The following GMDS variants were observed in gnomAD, a reference collection of about 807,000 sequenced individuals.
The protein encoded by GMDS is GDP-mannose 4,6-dehydratase, also known as GDP-mannose 4,6 dehydratase.
GMDS carries 20 observed loss-of-function variants against 49.9 expected under a neutral mutation model. The observed-to-expected ratio is 0.40, with a 90% CI of 0.28 to 0.58. GMDS has a LOEUF of 0.58. GMDS is among the 20% of genes least tolerant of loss of function. The probability of loss-of-function intolerance (pLI) is 0.42; values close to 1 mark genes in which losing one functional copy is unlikely to be tolerated. For synonymous variants in GMDS, 177 were observed against 178.6 expected, an observed-to-expected ratio of 0.99 and a Z score of 0.07; for missense variants, 362 against 481.4, an observed-to-expected ratio of 0.75 and a Z score of 2.32.
At chr6:2,231,374 C>T (rs937650886) in intron 1 of GMDS, among the ~76,000 whole-genome samples, 7 of 151,912 alleles carry the variant, frequency 4.6e-5, no homozygotes, top group Admixed American at 6.6e-5. Context: ...GATTGGGCAA[C>T]GTGGCAAAAC....
intron 7 of GMDS, among the ~76,000 whole-genome samples, chr6:1,803,288 G>A (rs145582082): frequency 2.0e-5 from 3 of 152,226 alleles, no homozygotes; most frequent in African/African-American, 7.2e-5. Context: ...AACCCTGGCT[G>A]GCTAAAAATA....
rs552394661 is a variant in GMDS, at chr6:2,099,364, G to A, written c.345+16407C>T. 7.4e-4 allele frequency among the ~76,000 whole-genome samples: 113 copies of A among 152,208 alleles called. 1 individual carries two copies. The highest frequency in any genetic ancestry group is 2.6e-3 in the African/African-American group (110 of 41,568). On this transcript the variant is annotated intron_variant, in intron 4 of 10. Transcript: ENST00000380815. ...TATACAGTCAATATAGTTACGGCATGAAATAGGTTTGTTTGTATTTTTCCC... is the reference window on the plus strand; with the variant it reads ...TATACAGTCAATATAGTTACGGCATAAAATAGGTTTGTTTGTATTTTTCCC...
chr6:1,825,558 ATAG>A (rs1218345974), intron 7 of GMDS, among the ~76,000 whole-genome samples: 25 of 152,204 alleles, frequency 1.6e-4, no homozygotes, highest in Admixed American at 1.6e-3. Flanking sequence ...ACAAACCCAC[ATAG>A]TAGAGTCTAC....
chr6:1,895,025 T>C (rs1461575983), intron 7 of GMDS, among the ~76,000 whole-genome samples: 2 of 152,216 alleles, frequency 1.3e-5, no homozygotes, highest in East Asian at 1.9e-4. Flanking sequence ...TTACTTTATA[T>C]TCCTTCCCAT....
intron 8 of GMDS, among the ~76,000 whole-genome samples, chr6:1,729,588 A>C (rs1480000436): frequency 6.6e-6 from 1 of 152,256 alleles, no homozygotes; most frequent in African/African-American, 2.4e-5. Flanking sequence ...AGTTACAACA[A>C]TACATGAAAC....
At chr6:1,916,493 G>A (rs553362761) in intron 7 of GMDS, among the ~76,000 whole-genome samples, 1 of 151,918 alleles carries the variant, frequency 6.6e-6, no homozygotes, top group East Asian at 1.9e-4. Flanking sequence ...AAAGGGAAGA[G>A]GGAAAAAGAG....
At chr6:1,817,186 T>A (rs1321019213) in intron 7 of GMDS, among the ~76,000 whole-genome samples, 1 of 151,830 alleles carries the variant, frequency 6.6e-6, no homozygotes. Context: ...CATGCCTTCC[T>A]GTTCTAATAC....
At chr6:1,969,037 G>A (rs1051685727) in intron 4 of GMDS, among the ~76,000 whole-genome samples, 10 of 151,776 alleles carry the variant, frequency 6.6e-5, no homozygotes, top group African/African-American at 1.2e-4. Flanking sequence ...CGAGGCGGGC[G>A]GATCACGAGG....
At chr6:2,162,591 C>T (rs1159388536) in intron 1 of GMDS, among the ~76,000 whole-genome samples, 1 of 151,686 alleles carries the variant, frequency 6.6e-6, no homozygotes, top group African/African-American at 2.4e-5. Context: ...AACAGTCTTA[C>T]TTATTGCTAG....
chr6:1,629,304 C>T (rs143713537), intron 9 of GMDS, among the ~76,000 whole-genome samples: 74 of 152,274 alleles, frequency 4.9e-4, no homozygotes, highest in Non-Finnish European at 9.0e-4. Flanking sequence ...GAACATTTCC[C>T]CTCTGTTCCC....
intron 7 of GMDS, among the ~76,000 whole-genome samples, chr6:1,862,559 T>C (rs1758240516): frequency 6.6e-6 from 1 of 152,256 alleles, no homozygotes; most frequent in Admixed American, 6.5e-5. Context: ...ATTATAACTG[T>C]TCATAAAAGG....
intron 4 of GMDS, among the ~76,000 whole-genome samples, chr6:2,036,062 C>T (rs148675225): frequency 2.0e-5 from 3 of 152,214 alleles, no homozygotes; most frequent in East Asian, 1.9e-4. Flanking sequence ...CTGTCTCAGC[C>T]GTCATTTATT....
intron 1 of GMDS, among the ~76,000 whole-genome samples, chr6:2,208,650 C>T (rs533356449): frequency 6.6e-6 from 1 of 152,260 alleles, no homozygotes; most frequent in East Asian, 1.9e-4. Flanking sequence ...AGATTTATGG[C>T]AGCCCAAACT....
At chr6:1,889,552 T>C (rs961436976) in intron 7 of GMDS, among the ~76,000 whole-genome samples, 1 of 152,164 alleles carries the variant, frequency 6.6e-6, no homozygotes, top group African/African-American at 2.4e-5. Context: ...GGCACAGACC[T>C]CTCTCCCAAG....
chr6:2,143,164 C>T (rs956661158), intron 1 of GMDS, among the ~76,000 whole-genome samples: 1 of 152,202 alleles, frequency 6.6e-6, no homozygotes, highest in Non-Finnish European at 1.5e-5. Context: ...CCTTGGGTTA[C>T]TAATCTCACA....
intron 6 of GMDS, among the ~76,000 whole-genome samples, chr6:1,947,017 T>C (rs1357228522): frequency 2.0e-5 from 3 of 152,242 alleles, no homozygotes; most frequent in African/African-American, 4.8e-5. Flanking sequence ...AAGAAGTAGA[T>C]AGATCATTTT....
rs140428916 is a variant in GMDS at position 2,142,177 on chromosome 6, G to A, written c.103-17446C>T. ...TCCCTAGGCCATAAGAGAAAAAAGAGCAGGTTCCTGTTCATATTCGAAGGA... is the reference window on the plus strand; with the variant it reads ...TCCCTAGGCCATAAGAGAAAAAAGAACAGGTTCCTGTTCATATTCGAAGGA... On this transcript the variant is annotated intron_variant, in intron 1 of 10. Coordinates refer to ENST00000380815, the MANE Select transcript of GMDS (RefSeq NM_001500.4). 5.7e-3 allele frequency among the ~76,000 whole-genome samples: 861 copies of A among 152,262 alleles called. 2 individuals carry two copies. The highest frequency in any genetic ancestry group is 0.017 in the Middle Eastern group (5 of 294).
chr6:1,793,058 T>A (rs1456021749), intron 7 of GMDS, among the ~76,000 whole-genome samples: 4 of 152,220 alleles, frequency 2.6e-5, no homozygotes, highest in African/African-American at 9.6e-5. Context: ...CTAATCCCCA[T>A]GTATCTCATC....
At chr6:1,867,908 G>A (rs1370500351) in intron 7 of GMDS, among the ~76,000 whole-genome samples, 5 of 152,110 alleles carry the variant, frequency 3.3e-5, no homozygotes, top group African/African-American at 7.2e-5. Context: ...GGTGTTCCTC[G>A]TGTCTGTGGA....
Sources: allele counts gnomAD v4.1 joint callset (sites outside exome capture counted in the v4.1 genomes callset), GRCh38; gene constraint gnomAD v4.1.1; transcripts MANE v1.5; gene names NCBI Gene and HGNC (gene_info 2026-07-23, HGNC 2026-07-21).